LARS2: variants seen among roughly 807,000 people sequenced by gnomAD.
The protein encoded by LARS2 is leucine--tRNA ligase, mitochondrial.
LARS2 carries 81 observed loss-of-function variants against 116.6 expected under a neutral mutation model. That is an observed-to-expected ratio of 0.69 (90% CI 0.58 to 0.84). LARS2 has a LOEUF of 0.84. Ranked by LOEUF, LARS2 falls within the 40% of genes least tolerant of loss-of-function variation. The probability of loss-of-function intolerance (pLI) is 0.00; values close to 1 mark genes in which losing one functional copy is unlikely to be tolerated. For missense variants in LARS2, 968 were observed against 1,114.5 expected (o/e 0.87, Z 1.87); for synonymous variants, 396 against 407.2 (o/e 0.97, Z 0.33).
In LARS2 at chr3:45,520,334, G is replaced by A. The variant is rs1286043987; in HGVS notation, c.2292+38G>A. On this transcript the variant is annotated intron_variant, in intron 19 of 21. Transcript: ENST00000645846. Reference sequence around the variant, plus strand: ...TCCTCATTTGCTGGTAGCAGAGGAGGGAGGGAGAGGTGTGGCAAGGGGCCC... The same window carrying A: ...TCCTCATTTGCTGGTAGCAGAGGAGAGAGGGAGAGGTGTGGCAAGGGGCCC... The A allele has an allele frequency of 6.5e-6, 10 of 1,542,256 alleles. No individual in the cohort carries two copies. In the East Asian group the frequency reaches 2.0e-4, roughly 31 times the overall value.
chr3:45,508,249 G>A (rs535019514), intron 15 of LARS2, among the ~76,000 whole-genome samples: 6 of 152,020 alleles, frequency 3.9e-5, no homozygotes, highest in Non-Finnish European at 8.8e-5. Context: ...CCTGCTGACC[G>A]TGGAGAGCAC....
chr3:45,423,595 T>G (rs1377551653), intron 6 of LARS2, among the ~76,000 whole-genome samples: 1 of 152,210 alleles, frequency 6.6e-6, no homozygotes, highest in East Asian at 1.9e-4. Flanking sequence ...GCAATTTTTC[T>G]AATCATGTAT....
chr3:45,484,630 A>AATATATATATATATATATATAT (rs1553634444), intron 10 of LARS2, among the ~76,000 whole-genome samples: 176 of 9,672 alleles, frequency 0.018, 15 homozygotes, highest in East Asian at 0.043. Flanking sequence ...AAAAAAAAAA[A>AATATATATATATATATATATAT]ATATATATAT....
intron 15 of LARS2, among the ~76,000 whole-genome samples, chr3:45,508,420 A>T (rs1196132037): frequency 6.6e-6 from 1 of 152,104 alleles, no homozygotes; most frequent in African/African-American, 2.4e-5. Context: ...AGGAAATGGG[A>T]ATGGTGATAT....
chr3:45,420,016 GT>G (rs1489784479), intron 6 of LARS2, among the ~76,000 whole-genome samples: 1 of 152,208 alleles, frequency 6.6e-6, no homozygotes, highest in Non-Finnish European at 1.5e-5. Flanking sequence ...CTCAGCAATA[GT>G]TTTAAAAGAC....
chr3:45,479,721 T>G lies in LARS2; in HGVS notation c.1018+3094T>G, dbSNP rs553194057. ...AAGTCATGTTATGTAAGCTCTCACTTGATAGGAACTAGAAGCCATAAAAGG... is the reference window on the plus strand; with the variant it reads ...AAGTCATGTTATGTAAGCTCTCACTGGATAGGAACTAGAAGCCATAAAAGG... On this transcript the variant is annotated intron_variant, in intron 10 of 21. Coordinates refer to ENST00000645846, the MANE Select transcript of LARS2 (RefSeq NM_015340.4). Among the ~76,000 whole-genome samples the G allele has an allele frequency of 1.2e-3, 178 of 152,284 alleles. 1 individual carries two copies. The highest frequency in any genetic ancestry group is 4.1e-3 in the African/African-American group (171 of 41,552).
intron 15 of LARS2, among the ~76,000 whole-genome samples, chr3:45,501,666 G>A (rs1041076512): frequency 3.9e-5 from 6 of 152,186 alleles, no homozygotes; most frequent in Middle Eastern, 3.4e-3. Context: ...TGACATATGC[G>A]TCACCATTTC....
chr3:45,480,009 A>C (rs1426282360), intron 10 of LARS2, among the ~76,000 whole-genome samples: 1 of 152,208 alleles, frequency 6.6e-6, no homozygotes, highest in Non-Finnish European at 1.5e-5. Context: ...GCCCCAGGTC[A>C]TTAAATAATA....
intron 6 of LARS2, among the ~76,000 whole-genome samples, chr3:45,422,869 G>A (rs1698537414): frequency 6.6e-6 from 1 of 152,094 alleles, no homozygotes; most frequent in South Asian, 2.1e-4. Context: ...TAAAAGGTGG[G>A]CAAATATATG....
intron 20 of LARS2, among the ~76,000 whole-genome samples, chr3:45,537,042 G>A (rs267252): frequency 0.86 from 130,656 of 151,930 alleles, 59,393 homozygotes; most frequent in East Asian, 1. Context: ...GTGTGTGTGT[G>A]TGTGTGTGTG....
chr3:45,514,444 T>C (rs1379821291), intron 16 of LARS2, among the ~76,000 whole-genome samples: 1 of 152,198 alleles, frequency 6.6e-6, no homozygotes, highest in Middle Eastern at 3.2e-3. Context: ...TCAAGGTTTA[T>C]AACGGTCCGT....
intron 6 of LARS2, among the ~76,000 whole-genome samples, chr3:45,427,884 C>T (rs1204760321): frequency 3.3e-5 from 5 of 150,538 alleles, no homozygotes; most frequent in Admixed American, 6.6e-5. Flanking sequence ...TACAATGGCA[C>T]GATCTTGGCT....
Position 45,485,717 on chromosome 3 carries a change from G to T in LARS2, c.1044G>T (p.Val348=), listed in dbSNP as rs1699795612. 1.2e-6 allele frequency: 2 copies of T among 1,610,756 alleles called. No individual in the cohort carries two copies. The highest frequency in any genetic ancestry group is 1.7e-6 in the Non-Finnish European group (2 of 1,178,518). ...GKDCLTPVMA[V]NMLTQQEVPV... ...ATTGCCTCACGCCTGTAATGGCTGT[G>T]AACATGCTTACCCAGCAGGAGGTCC... The change falls in exon 11 of 22, where the codon GTG becomes GTT. Residue 348 remains valine (V), a synonymous_variant. Coordinates refer to ENST00000645846, the MANE Select transcript of LARS2 (RefSeq NM_015340.4).
At chr3:45,423,542 G>C (rs968510963) in intron 6 of LARS2, among the ~76,000 whole-genome samples, 9 of 151,966 alleles carry the variant, frequency 5.9e-5, no homozygotes, top group Non-Finnish European at 1.2e-4. Flanking sequence ...CAAATTCCTG[G>C]CCTCAAGTGA....
intron 6 of LARS2, among the ~76,000 whole-genome samples, chr3:45,420,543 C>T (rs971708919): frequency 2.0e-5 from 3 of 152,136 alleles, no homozygotes; most frequent in Non-Finnish European, 2.9e-5. Flanking sequence ...CCTCATCCCT[C>T]CCCCCAACAA....
Position 45,547,364 on chromosome 3 carries a change from C to G in LARS2, c.2546C>G (p.Ala849Gly), listed in dbSNP as rs200160782. 3.2e-5 allele frequency: 51 copies of G among 1,609,088 alleles called. No individual in the cohort carries two copies. Among genetic ancestry groups the G allele is most frequent in the Middle Eastern group, 3.3e-4 (2 of 6,044 alleles). Residue 849 changes from alanine to glycine, a missense_variant, in exon 22 of 22, where the codon GCT becomes GGT. Transcript: ENST00000645846. ...VQMAVLINNK[A>G]CGKIPVPQQV... ...TCTCCTTCTCAGATCAACAATAAAG[C>G]TTGTGGCAAAATTCCTGTGCCCCAA...
chr3:45,516,372 G>A (rs948277819), intron 17 of LARS2, 96 bp downstream of exon 17: 1 of 1,230,662 alleles, frequency 8.1e-7, no homozygotes, highest in African/African-American at 1.5e-5. Flanking sequence ...GAAGACAGTG[G>A]TAGAGAATTC....
chr3:45,541,742 C>A, intron 20 of LARS2, 87 bp from the exon 21 acceptor site: 2 of 1,524,054 alleles, frequency 1.3e-6, no homozygotes, highest in Non-Finnish European at 8.9e-7. Flanking sequence ...CCAAGCCAGG[C>A]TGTGTTGGGA....
chr3:45,527,603 G>A (rs769064789), intron 20 of LARS2, among the ~76,000 whole-genome samples: 9 of 151,088 alleles, frequency 6.0e-5, no homozygotes, highest in Non-Finnish European at 7.4e-5. Flanking sequence ...CAGCCTGGGC[G>A]ACAGAGCGAG....
Sources: allele counts gnomAD v4.1 joint callset (sites outside exome capture counted in the v4.1 genomes callset), GRCh38; gene constraint gnomAD v4.1.1; transcripts MANE v1.5; gene names NCBI Gene and HGNC (gene_info 2026-07-23, HGNC 2026-07-21).